Variants in FSTL4 observed in about 807,000 individuals in gnomAD.
FSTL4 encodes the protein follistatin-related protein 4.
FSTL4 carries 28 observed loss-of-function variants against 78.2 expected under a neutral mutation model. The ratio of observed to expected loss-of-function variants is 0.36; its 90% CI spans 0.27 to 0.49. The LOEUF is 0.49. Among genes scored for constraint, FSTL4 ranks in the 20% least tolerant of loss-of-function variants. The pLI is 0.98. For synonymous variants in FSTL4, 422 were observed against 440.5 expected (o/e 0.96, Z 0.53); for missense variants, 922 against 1,084.9 (o/e 0.85, Z 2.11).
the FSTL4 span, among the ~76,000 whole-genome samples, chr5:133,770,864 T>C: frequency 2.6e-4 from 40 of 152,136 alleles, no homozygotes; most frequent in African/African-American, 9.4e-4. Context: ...TTTCAACTTA[T>C]GTTTAGGTCT....
chr5:133,350,306 T>C (rs927514123), intron 4 of FSTL4, among the ~76,000 whole-genome samples: 1 of 152,210 alleles, frequency 6.6e-6, no homozygotes, highest in Non-Finnish European at 1.5e-5. Context: ...GTGATGGTTA[T>C]TAGAGGCACT....
chr5:133,637,323 C>T, the FSTL4 span, among the ~76,000 whole-genome samples: 1 of 152,208 alleles, frequency 6.6e-6, no homozygotes, highest in East Asian at 1.9e-4. Flanking sequence ...TACGACCTCC[C>T]CATTGCTATT....
chr5:133,514,046 G>A (rs1375154208), intron 3 of FSTL4, among the ~76,000 whole-genome samples: 1 of 151,946 alleles, frequency 6.6e-6, no homozygotes, highest in Non-Finnish European at 1.5e-5. Flanking sequence ...AGGCGTAGTG[G>A]TGGGCGCCTG....
the FSTL4 span, among the ~76,000 whole-genome samples, chr5:133,663,315 T>C: frequency 1.3e-5 from 2 of 152,234 alleles, no homozygotes; most frequent in Admixed American, 6.5e-5. Flanking sequence ...CAAGGTATTA[T>C]AGTTGTGTAA....
chr5:133,819,581 T>A, the FSTL4 span, among the ~76,000 whole-genome samples: 71 of 152,306 alleles, frequency 4.7e-4, no homozygotes, highest in East Asian at 0.012. Context: ...GCTAAACTCA[T>A]AGCACCGTTG....
chr5:133,464,252 C>G (rs1390358065), intron 3 of FSTL4, among the ~76,000 whole-genome samples: 1 of 152,180 alleles, frequency 6.6e-6, no homozygotes. Flanking sequence ...AGGCCAGGTG[C>G]GGCAGTGGAG....
intron 3 of FSTL4, among the ~76,000 whole-genome samples, chr5:133,480,998 C>T (rs761878163): frequency 2.6e-5 from 4 of 152,152 alleles, no homozygotes; most frequent in African/African-American, 7.2e-5. Flanking sequence ...GACATAGCAG[C>T]GGTCCGAGTA....
chr5:133,761,217 AC>A, the FSTL4 span, among the ~76,000 whole-genome samples: 2 of 148,244 alleles, frequency 1.3e-5, no homozygotes, highest in African/African-American at 5.0e-5. Flanking sequence ...CAAACCTAAC[AC>A]AGTCAATAGT....
chr5:133,539,760 C>G (rs1411074812), intron 3 of FSTL4, among the ~76,000 whole-genome samples: 1 of 152,096 alleles, frequency 6.6e-6, no homozygotes, highest in Non-Finnish European at 1.5e-5. Flanking sequence ...TTAGGACATT[C>G]AGGGACCTCT....
the FSTL4 span, among the ~76,000 whole-genome samples, chr5:133,818,968 C>T: frequency 1.6e-4 from 11 of 67,736 alleles, no homozygotes; most frequent in Admixed American, 1.3e-4. Flanking sequence ...CACACGTACG[C>T]ATGCACACAC....
the FSTL4 span, among the ~76,000 whole-genome samples, chr5:133,730,736 C>T: frequency 0.06 from 9,094 of 152,270 alleles, 381 homozygotes; most frequent in Middle Eastern, 0.12. Context: ...CACATCTGAG[C>T]CTCCATTTAC....
the FSTL4 span, among the ~76,000 whole-genome samples, chr5:133,702,210 A>C: frequency 6.6e-6 from 1 of 152,238 alleles, no homozygotes; most frequent in Non-Finnish European, 1.5e-5. Context: ...ATGTCATCAC[A>C]CATTCGGCAT....
intron 3 of FSTL4, among the ~76,000 whole-genome samples, chr5:133,410,645 G>T (rs775533223): frequency 6.6e-6 from 1 of 152,150 alleles, no homozygotes; most frequent in Non-Finnish European, 1.5e-5. Context: ...GCCCCGGTCC[G>T]CACCTTGCCT....
chr5:133,740,728 A>G, the FSTL4 span, among the ~76,000 whole-genome samples: 1 of 152,030 alleles, frequency 6.6e-6, no homozygotes, highest in Non-Finnish European at 1.5e-5. Flanking sequence ...AGCTCATGAA[A>G]TGGTGGAGAA....
At chr5:133,423,863 G>C (rs768781747) in intron 3 of FSTL4, among the ~76,000 whole-genome samples, 3 of 152,180 alleles carry the variant, frequency 2.0e-5, no homozygotes, top group Non-Finnish European at 2.9e-5. Flanking sequence ...GGAGTACTCG[G>C]TGGTGCACAA....
At chr5:133,433,970 A>AT (rs924614619) in intron 3 of FSTL4, among the ~76,000 whole-genome samples, 31 of 152,000 alleles carry the variant, frequency 2.0e-4, no homozygotes, top group African/African-American at 7.2e-4. Flanking sequence ...AAAGCTTAGG[A>AT]TTTTTTTTCA....
intron 4 of FSTL4, among the ~76,000 whole-genome samples, chr5:133,373,035 T>G (rs1261765657): frequency 6.6e-6 from 1 of 152,108 alleles, no homozygotes; most frequent in Non-Finnish European, 1.5e-5. Flanking sequence ...GGGAGCCTCA[T>G]GAATGGGATT....
At chr5:133,643,081 A>C in the FSTL4 span, among the ~76,000 whole-genome samples, 1 of 152,244 alleles carries the variant, frequency 6.6e-6, no homozygotes, top group Non-Finnish European at 1.5e-5. Flanking sequence ...TTATGTGTGA[A>C]AGTCGGAGAC....
At chr5:133,565,463 A>G (rs1760006127) in intron 3 of FSTL4, among the ~76,000 whole-genome samples, 2 of 152,186 alleles carry the variant, frequency 1.3e-5, no homozygotes, top group Admixed American at 1.3e-4. Flanking sequence ...CAAACATTCA[A>G]CTTTGACAGA....
Sources: gnomAD v4.1 joint callset for allele counts (sites outside exome capture counted in the v4.1 genomes callset) on GRCh38, gnomAD v4.1.1 for gene constraint, MANE v1.5 for transcripts, NCBI Gene and HGNC (gene_info 2026-07-23, HGNC 2026-07-21) for gene names.